The following ZNF536 variants were observed in gnomAD, a reference collection of about 807,000 sequenced individuals.
ZNF536 encodes zinc finger protein 536.
Under a neutral mutation model 84.5 loss-of-function variants are expected in ZNF536, and 13 were observed. That is an observed-to-expected ratio of 0.15 (90% CI 0.10 to 0.24). The LOEUF (loss-of-function observed/expected upper bound fraction) is 0.24, where lower values mean the gene tolerates loss of function less well. Ranked by LOEUF, ZNF536 falls within the 10% of genes least tolerant of loss-of-function variation. The pLI, the probability that ZNF536 is intolerant of heterozygous loss-of-function variation, is 1.00. For synonymous variants in ZNF536, 811 were observed against 742.5 expected, an observed-to-expected ratio of 1.09 and a Z score of -1.50; for missense variants, 1,536 against 1,747.5, an observed-to-expected ratio of 0.88 and a Z score of 2.16.
chr19:30,528,324 C>T (rs752602782), intron 2 of ZNF536, among the ~76,000 whole-genome samples: 2 of 152,084 alleles, frequency 1.3e-5, no homozygotes, highest in Non-Finnish European at 2.9e-5. Flanking sequence ...ACCAAGAATC[C>T]ACATGCAATA....
chr19:30,420,550 G>A (rs2050909814), intron 1 of ZNF536, among the ~76,000 whole-genome samples: 1 of 152,220 alleles, frequency 6.6e-6, no homozygotes, highest in Non-Finnish European at 1.5e-5. Context: ...TGCTTCTTGT[G>A]TGTTAATTAC....
intron 2 of ZNF536, among the ~76,000 whole-genome samples, chr19:30,529,869 C>T (rs2044734164): frequency 2.0e-5 from 3 of 152,160 alleles, no homozygotes; most frequent in African/African-American, 2.4e-5. Context: ...GAATATTATT[C>T]GTTGTACCCA....
intron 2 of ZNF536, among the ~76,000 whole-genome samples, chr19:30,317,623 G>A (rs937347464): frequency 6.6e-6 from 1 of 152,226 alleles, no homozygotes; most frequent in African/African-American, 2.4e-5. Context: ...GTCTTGGGCA[G>A]ACCATTTGCG....
At position 30,548,612 on chromosome 19, in the gene ZNF536, T is replaced by C. The variant is rs754232586; in HGVS notation, c.2993T>C (p.Ile998Thr). Reference protein sequence around the residue: ...PGSSVTVQDSIAWHGCLFCAF... With the variant: ...PGSSVTVQDSTAWHGCLFCAF... Reference sequence around the variant, plus strand: ...TCCTCGGTAACTGTGCAGGACAGCATTGCATGGCACGGCTGCTTGTTTTGT... The same window carrying C: ...TCCTCGGTAACTGTGCAGGACAGCACTGCATGGCACGGCTGCTTGTTTTGT... Residue 998 changes from isoleucine (I) to threonine (T), a missense_variant, in exon 4 of 5, where the codon ATT becomes ACT. Transcript: ENST00000355537. 3 of 1,614,128 alleles carry C rather than the reference T, an allele frequency of 1.9e-6. No individual in the cohort carries two copies. Among genetic ancestry groups the C allele is most frequent in the Middle Eastern group, 1.6e-4 (1 of 6,062 alleles).
At chr19:30,410,743 G>C (rs2147690631) in intron 1 of ZNF536, among the ~76,000 whole-genome samples, 1 of 152,088 alleles carries the variant, frequency 6.6e-6, no homozygotes, top group South Asian at 2.1e-4. Flanking sequence ...CTCCCAAAGT[G>C]CTGGGATTAC....
At chr19:30,345,307 C>T (rs1233600996) in intron 2 of ZNF536, among the ~76,000 whole-genome samples, 2 of 152,196 alleles carry the variant, frequency 1.3e-5, no homozygotes, top group Non-Finnish European at 2.9e-5. Flanking sequence ...TGAGAAGACT[C>T]CAGGTTTGAC....
intron 3 of ZNF536, among the ~76,000 whole-genome samples, chr19:30,537,451 A>G (rs1220587363): frequency 6.6e-6 from 1 of 152,148 alleles, no homozygotes; most frequent in Non-Finnish European, 1.5e-5. Flanking sequence ...AGAACCCTGG[A>G]CCACATTTCC....
intron 2 of ZNF536, among the ~76,000 whole-genome samples, chr19:30,516,200 G>A (rs2044066215): frequency 6.6e-6 from 1 of 152,008 alleles, no homozygotes. Flanking sequence ...GATGAATGAG[G>A]ACCATAGAGA....
At chr19:30,448,249 G>A (rs976838908) in intron 2 of ZNF536, among the ~76,000 whole-genome samples, 3 of 152,168 alleles carry the variant, frequency 2.0e-5, no homozygotes, top group Non-Finnish European at 4.4e-5. Context: ...TATACAACCC[G>A]AATCAGCTGT....
Position 30,581,395 on chromosome 19 carries a change from T to C in ZNF536, c.169+31881T>C, listed in dbSNP as rs541759295. On this transcript the variant is annotated intron_variant, in intron 1 of 1. Coordinates refer to the ZNF536 transcript ENST00000592773. ...AGGTGGCTGAGGCACAAGAATCACT[T>C]GAACCCGGGAGGTCGAGGTTGCAGT... 1.4e-4 allele frequency among the ~76,000 whole-genome samples: 21 copies of C among 152,180 alleles called. No individual in the cohort carries two copies. In the South Asian group the frequency reaches 2.9e-3, roughly 21 times the overall value.
chr19:30,513,111 G>A (rs2055486272), intron 2 of ZNF536, among the ~76,000 whole-genome samples: 1 of 151,964 alleles, frequency 6.6e-6, no homozygotes, highest in Non-Finnish European at 1.5e-5. Flanking sequence ...TGACACATTA[G>A]AATAATGGAA....
At chr19:30,334,973 T>C (rs537521448) in intron 2 of ZNF536, among the ~76,000 whole-genome samples, 3 of 152,296 alleles carry the variant, frequency 2.0e-5, no homozygotes, top group African/African-American at 7.2e-5. Flanking sequence ...GCGGGAATGC[T>C]CGCTCACTCT....
intron 2 of ZNF536, among the ~76,000 whole-genome samples, chr19:30,318,176 G>A (rs1479645862): frequency 6.6e-6 from 1 of 152,200 alleles, no homozygotes; most frequent in Non-Finnish European, 1.5e-5. Flanking sequence ...CCCTTGAGCT[G>A]ATGGAGCCCT....
At chr19:30,695,299 G>A (rs1412593500) in intron 1 of ZNF536, among the ~76,000 whole-genome samples, 1 of 152,198 alleles carries the variant, frequency 6.6e-6, no homozygotes, top group African/African-American at 2.4e-5. Context: ...CCTGTGGGCT[G>A]AACCCCCAGA....
intron 1 of ZNF536, among the ~76,000 whole-genome samples, chr19:30,688,294 T>G (rs1228171229): frequency 3.3e-5 from 5 of 152,344 alleles, no homozygotes; most frequent in South Asian, 2.1e-4. Flanking sequence ...GTATTTCGTT[T>G]TCATGTGTGT....
chr19:30,652,122 C>T (rs1481341712), intron 1 of ZNF536, among the ~76,000 whole-genome samples: 1 of 152,104 alleles, frequency 6.6e-6, no homozygotes, highest in Non-Finnish European at 1.5e-5. Flanking sequence ...CTTTGGAACT[C>T]ATATAAAGTA....
chr19:30,274,756 T>C (rs1033656481), intron 1 of ZNF536, among the ~76,000 whole-genome samples: 1 of 152,192 alleles, frequency 6.6e-6, no homozygotes, highest in African/African-American at 2.4e-5. Context: ...TCGAGTGATA[T>C]TTATCAAGCA....
chr19:30,325,892 C>T (rs545204628), intron 2 of ZNF536, among the ~76,000 whole-genome samples: 1 of 152,298 alleles, frequency 6.6e-6, no homozygotes, highest in East Asian at 1.9e-4. Flanking sequence ...GGTGTCGCCT[C>T]TCCTCTAACT....
At chr19:30,352,683 T>G (rs2047970801) in intron 3 of ZNF536, among the ~76,000 whole-genome samples, 1 of 152,198 alleles carries the variant, frequency 6.6e-6, no homozygotes, top group African/African-American at 2.4e-5. Context: ...GAGTGGTGGC[T>G]GGCAGGGCCT....
Sources: allele counts gnomAD v4.1 joint callset (sites outside exome capture counted in the v4.1 genomes callset), GRCh38; gene constraint gnomAD v4.1.1; transcripts MANE v1.5; gene names NCBI Gene and HGNC (gene_info 2026-07-23, HGNC 2026-07-21).